SLC24A3: variants seen among roughly 807,000 people sequenced by gnomAD.
SLC24A3 encodes the protein sodium/potassium/calcium exchanger 3.
SLC24A3 carries 28 observed loss-of-function variants against 75.8 expected under a neutral mutation model. The observed-to-expected ratio is 0.37, with a 90% CI of 0.27 to 0.51. SLC24A3 has a LOEUF of 0.51. Among genes scored for constraint, SLC24A3 ranks in the 20% least tolerant of loss-of-function variants. SLC24A3 has a pLI of 0.94. For missense variants in SLC24A3, 663 were observed against 847.8 expected, an observed-to-expected ratio of 0.78 and a Z score of 2.71; for synonymous variants, 372 against 334.1, an observed-to-expected ratio of 1.11 and a Z score of -1.24.
intron 1 of SLC24A3, among the ~76,000 whole-genome samples, chr20:19,244,985 G>A (rs1471298944): frequency 1.3e-5 from 2 of 152,202 alleles, no homozygotes; most frequent in East Asian, 3.8e-4. Context: ...AGACAAGGCT[G>A]GGGGTGAAAG....
In SLC24A3 at chr20:19,228,789, A is replaced by G. The variant is rs147319219; in HGVS notation, c.142+15805A>G. On this transcript the variant is annotated intron_variant, in intron 1 of 16. Coordinates refer to ENST00000328041, the MANE Select transcript of SLC24A3 (RefSeq NM_020689.4). ...AGTGAATCTTACAAAGGCATGACAT[A>G]TATTTTTAATATGATGCTGGATTTT... is the stretch of plus-strand genomic sequence containing the variant. Among the ~76,000 whole-genome samples the G allele has an allele frequency of 4.6e-3, 704 of 152,306 alleles. 7 individuals are homozygous for G. The highest frequency in any genetic ancestry group is 0.016 in the African/African-American group (680 of 41,562).
chr20:19,558,621 C>T (rs1310346344), intron 3 of SLC24A3, among the ~76,000 whole-genome samples: 4 of 152,076 alleles, frequency 2.6e-5, no homozygotes, highest in Admixed American at 1.3e-4. Flanking sequence ...CAGCTTGGGC[C>T]AGTTTAAGTT....
chr20:19,228,355 C>G (rs1981924564), intron 1 of SLC24A3, among the ~76,000 whole-genome samples: 1 of 152,052 alleles, frequency 6.6e-6, no homozygotes, highest in South Asian at 2.1e-4. Flanking sequence ...AGAAAAAAAT[C>G]AGGGCCGGGC....
chr20:19,271,376 TAC>T (rs1983325778), intron 1 of SLC24A3, among the ~76,000 whole-genome samples: 3 of 151,870 alleles, frequency 2.0e-5, no homozygotes, highest in South Asian at 4.1e-4. Context: ...GGAACACTTC[TAC>T]ACTGCTGGTG....
chr20:19,464,351 A>C (rs1191667417), intron 2 of SLC24A3, among the ~76,000 whole-genome samples: 1 of 152,142 alleles, frequency 6.6e-6, no homozygotes, highest in Non-Finnish European at 1.5e-5. Context: ...CGTGCATATT[A>C]ATGCATTCAT....
chr20:19,279,501 C>A (rs1302177866), intron 1 of SLC24A3, among the ~76,000 whole-genome samples: 2 of 152,216 alleles, frequency 1.3e-5, no homozygotes, highest in African/African-American at 4.8e-5. Context: ...GTTGGCTACA[C>A]CTTCCTTCCT....
chr20:19,378,460 A>G (rs1419870627), intron 2 of SLC24A3, among the ~76,000 whole-genome samples: 1 of 152,190 alleles, frequency 6.6e-6, no homozygotes, highest in South Asian at 2.1e-4. Context: ...ATAAAAGTAA[A>G]TGTGATCTGG....
chr20:19,394,452 T>A (rs1986418226), intron 2 of SLC24A3, among the ~76,000 whole-genome samples: 1 of 152,170 alleles, frequency 6.6e-6, no homozygotes, highest in Non-Finnish European at 1.5e-5. Context: ...ACTTGCAAAT[T>A]ATATATCTGA....
chr20:19,623,034 C>G (rs570415318), intron 6 of SLC24A3, among the ~76,000 whole-genome samples: 289 of 152,312 alleles, frequency 1.9e-3, no homozygotes, highest in African/African-American at 6.6e-3. Context: ...ACACCTCCCA[C>G]TTGGTCCCAC....
At chr20:19,215,771 T>C (rs113577762) in intron 1 of SLC24A3, among the ~76,000 whole-genome samples, 415 of 152,352 alleles carry the variant, frequency 2.7e-3, no homozygotes, top group African/African-American at 9.4e-3. Flanking sequence ...TTTCTAGACA[T>C]CTAACGAAAC....
intron 2 of SLC24A3, among the ~76,000 whole-genome samples, chr20:19,491,800 C>T (rs868855517): frequency 2.0e-5 from 3 of 152,258 alleles, no homozygotes; most frequent in East Asian, 1.9e-4. Context: ...AAACACTGCC[C>T]GGGAAGGCTT....
intron 2 of SLC24A3, among the ~76,000 whole-genome samples, chr20:19,324,380 A>C (rs1186915703): frequency 6.6e-6 from 1 of 152,236 alleles, no homozygotes; most frequent in Admixed American, 6.5e-5. Flanking sequence ...ATTGGGTTAC[A>C]CAGATACTAT....
chr20:19,520,344 G>A (rs1049061669), intron 3 of SLC24A3, among the ~76,000 whole-genome samples: 1 of 152,210 alleles, frequency 6.6e-6, no homozygotes, highest in African/African-American at 2.4e-5. Flanking sequence ...CCACTGAGCT[G>A]TTGGAGTTGC....
chr20:19,576,252 A>G (rs926117818), intron 3 of SLC24A3, among the ~76,000 whole-genome samples: 1 of 152,232 alleles, frequency 6.6e-6, no homozygotes, highest in African/African-American at 2.4e-5. Flanking sequence ...GAATGGTCAA[A>G]GTAACCTAAA....
intron 2 of SLC24A3, among the ~76,000 whole-genome samples, chr20:19,387,499 A>G (rs1369243195): frequency 6.6e-6 from 1 of 152,182 alleles, no homozygotes; most frequent in Non-Finnish European, 1.5e-5. Context: ...ACTGCATCAC[A>G]TAATTTTTGG....
At chr20:19,704,590 A>G (rs1408181892) in intron 15 of SLC24A3, among the ~76,000 whole-genome samples, 1 of 152,210 alleles carries the variant, frequency 6.6e-6, no homozygotes, top group Non-Finnish European at 1.5e-5. Flanking sequence ...TGCCTTATGC[A>G]GATGATGAGT....
At chr20:19,665,014 C>T (rs1296282767) in intron 7 of SLC24A3, among the ~76,000 whole-genome samples, 1 of 152,198 alleles carries the variant, frequency 6.6e-6, no homozygotes, top group Non-Finnish European at 1.5e-5. Context: ...TTACACTAGG[C>T]TTCCCCCCAT....
At chr20:19,370,254 G>GATTT (rs1985969059) in intron 2 of SLC24A3, among the ~76,000 whole-genome samples, 1 of 152,158 alleles carries the variant, frequency 6.6e-6, no homozygotes, top group African/African-American at 2.4e-5. Flanking sequence ...ACTACTTTCT[G>GATTT]CTCACACATC....
chr20:19,685,630 A>G (rs1167468582), intron 12 of SLC24A3, among the ~76,000 whole-genome samples: 1 of 152,180 alleles, frequency 6.6e-6, no homozygotes, highest in South Asian at 2.1e-4. Context: ...GATTTGTTCT[A>G]GGTCCTGCTC....
Sources: gnomAD v4.1 joint callset for allele counts (sites outside exome capture counted in the v4.1 genomes callset) on GRCh38, gnomAD v4.1.1 for gene constraint, MANE v1.5 for transcripts, NCBI Gene and HGNC (gene_info 2026-07-23, HGNC 2026-07-21) for gene names.